The following ARID5B variants were observed in gnomAD, a reference collection of about 807,000 sequenced individuals.
The protein encoded by ARID5B is AT-rich interactive domain-containing protein 5B.
ARID5B carries 13 observed loss-of-function variants against 97.2 expected under a neutral mutation model. The ratio of observed to expected loss-of-function variants is 0.13; its 90% CI spans 0.09 to 0.21. The LOEUF (loss-of-function observed/expected upper bound fraction) is 0.21. Among genes scored for constraint, ARID5B ranks in the 10% least tolerant of loss-of-function variants. ARID5B has a pLI of 1.00. For synonymous variants in ARID5B, 556 were observed against 570.3 expected (o/e 0.97, Z 0.36); for missense variants, 1,210 against 1,465.3 (o/e 0.83, Z 2.84).
At chr10:62,031,910 C>T (rs1424556236) in intron 4 of ARID5B, among the ~76,000 whole-genome samples, 1 of 152,188 alleles carries the variant, frequency 6.6e-6, no homozygotes, top group South Asian at 2.1e-4. Context: ...GCTAAACAAG[C>T]TATACCACTG....
At chr10:62,069,900 A>C (rs1840040701) in intron 8 of ARID5B, 103 bp downstream of exon 8, 1 of 1,170,220 alleles carries the variant, frequency 8.5e-7, no homozygotes, top group South Asian at 1.4e-5. Flanking sequence ...CTTTTGGGAA[A>C]CTGAAAATTT....
At chr10:62,044,426 G>GCCA (rs1564635169) in intron 4 of ARID5B, among the ~76,000 whole-genome samples, 1 of 145,514 alleles carries the variant, frequency 6.9e-6, no homozygotes, top group Non-Finnish European at 1.5e-5. Flanking sequence ...TGTCACCCAG[G>GCCA]CTGGAGAGCA....
rs151088804 is a variant in ARID5B at position 62,006,014 on chromosome 10, T to C, written c.733+5693T>C. Among the ~76,000 whole-genome samples the C allele has an allele frequency of 8.2e-3, 1,257 of 152,370 alleles. 19 individuals carry two copies. Among genetic ancestry groups the C allele is most frequent in the Non-Finnish European group, 7.2e-3 (490 of 68,042 alleles). ...TAAGAAGGCAGACATTTTTCTTTCATTGAAGCTAAGTAGAAAAGGAGTTGT... is the reference window on the plus strand; with the variant it reads ...TAAGAAGGCAGACATTTTTCTTTCACTGAAGCTAAGTAGAAAAGGAGTTGT... On this transcript the variant is annotated intron_variant, in intron 4 of 9. Transcript: ENST00000279873.
chr10:61,931,139 T>C (rs745735211), intron 2 of ARID5B, among the ~76,000 whole-genome samples: 2 of 152,226 alleles, frequency 1.3e-5, no homozygotes, highest in Non-Finnish European at 2.9e-5. Context: ...CATAATACCA[T>C]GGCTCTCAAA....
chr10:61,932,432 A>C (rs1257099528), intron 2 of ARID5B, among the ~76,000 whole-genome samples: 3 of 138,914 alleles, frequency 2.2e-5, no homozygotes, highest in Non-Finnish European at 4.6e-5. Flanking sequence ...TTTTTTTGAG[A>C]CAGAATCTCA....
At chr10:62,087,806 G>A (rs7919088) in intron 9 of ARID5B, among the ~76,000 whole-genome samples, 121,718 of 151,858 alleles carry the variant, frequency 0.8, 49,382 homozygotes, top group Middle Eastern at 0.93. Context: ...GTTTTTATTA[G>A]GTTTCATAAT....
chr10:61,983,688 G>A (rs1013484568), intron 3 of ARID5B, among the ~76,000 whole-genome samples: 3 of 151,582 alleles, frequency 2.0e-5, no homozygotes, highest in African/African-American at 4.9e-5. Flanking sequence ...GAGAGATCTC[G>A]GCTGCTGACC....
chr10:62,002,119 A>G (rs1443688346), intron 4 of ARID5B, among the ~76,000 whole-genome samples: 2 of 152,222 alleles, frequency 1.3e-5, no homozygotes, highest in African/African-American at 4.8e-5. Flanking sequence ...AGAGTTTCAC[A>G]ACGTAATATG....
At chr10:61,930,750 T>TAAATAAAC (rs1844195849) in intron 2 of ARID5B, among the ~76,000 whole-genome samples, 1 of 151,408 alleles carries the variant, frequency 6.6e-6, no homozygotes, top group Non-Finnish European at 1.5e-5. Flanking sequence ...AATAAATAAA[T>TAAATAAAC]AAGATACAGG....
At chr10:62,007,497 A>G (rs1839161194) in intron 4 of ARID5B, among the ~76,000 whole-genome samples, 1 of 152,228 alleles carries the variant, frequency 6.6e-6, no homozygotes, top group East Asian at 1.9e-4. Context: ...AAAATGTGAG[A>G]TAACTGTGGA....
At chr10:62,055,645 A>G (rs1171487186) in intron 5 of ARID5B, among the ~76,000 whole-genome samples, 2 of 152,230 alleles carry the variant, frequency 1.3e-5, no homozygotes, top group Admixed American at 1.3e-4. Context: ...CAAAATCTAC[A>G]TGGGAAAATT....
intron 4 of ARID5B, chr10:62,049,298 T>G: frequency 6.8e-7 from 1 of 1,470,740 alleles, no homozygotes. Context: ...TGTGTTTACA[T>G]GAGTAATGGA....
intron 2 of ARID5B, among the ~76,000 whole-genome samples, chr10:61,913,191 C>A (rs1156978732): frequency 1.3e-5 from 2 of 152,164 alleles, no homozygotes; most frequent in Non-Finnish European, 2.9e-5. Context: ...TTCTCAGAGA[C>A]CTTTTCCTGG....
rs1288388511 is a variant in ARID5B at position 62,091,504 on chromosome 10, A to C, written c.2041A>C (p.Arg681=). 6.2e-7 allele frequency: 1 copy of C among 1,613,678 alleles called. No individual in the cohort carries two copies. The highest frequency in any genetic ancestry group is 1.3e-5 in the African/African-American group (1 of 75,024). ...TAATTACACGCCCCTGCTCTACTCT[A>C]GGGGCAACCCAGGCATCATGTCCCC... The part of the protein sequence containing the change: ...GLNYTPLLYS[R]GNPGIMSPLA... The change falls in exon 10 of 10, where the codon AGG becomes CGG. Residue 681 remains arginine, a synonymous_variant. Transcript: ENST00000279873.
intron 4 of ARID5B, among the ~76,000 whole-genome samples, chr10:62,036,874 C>G (rs2132912811): frequency 6.6e-6 from 1 of 152,294 alleles, no homozygotes; most frequent in South Asian, 2.1e-4. Flanking sequence ...GAATGACTAG[C>G]TGGTGCCCGA....
intron 3 of ARID5B, among the ~76,000 whole-genome samples, chr10:61,985,165 A>G (rs1391265640): frequency 3.3e-5 from 5 of 151,868 alleles, no homozygotes; most frequent in Admixed American, 3.3e-4. Context: ...TCTCTTTGCT[A>G]CCAAGATTCT....
intron 8 of ARID5B, among the ~76,000 whole-genome samples, chr10:62,083,111 G>A (rs1246879745): frequency 6.6e-6 from 1 of 151,844 alleles, no homozygotes; most frequent in Non-Finnish European, 1.5e-5. Flanking sequence ...TGGAAGCCTT[G>A]AACAAGTAGG....
At position 62,057,134 on chromosome 10, in the gene ARID5B, G is replaced by T; in HGVS notation, c.864G>T (p.Arg288Ser). The change falls in exon 6 of 10, where the codon AGG becomes AGT. Residue 288 changes from arginine (R) to serine (S), a missense_variant. Transcript: ENST00000279873. Reference protein sequence around the residue: ...KAVAKVKCEARSALTKPKNNH... With the variant: ...KAVAKVKCEASSALTKPKNNH... ...TTTTCCAGGTGAAATGTGAGGCCAG[G>T]TCAGCCTTGACCAAGCCGAAGAATA... 6.2e-7 allele frequency: 1 copy of T among 1,613,574 alleles called. No homozygotes were observed. The highest frequency in any genetic ancestry group is 8.5e-7 in the Non-Finnish European group (1 of 1,179,732).
chr10:61,919,802 A>G (rs1843979825), intron 2 of ARID5B, among the ~76,000 whole-genome samples: 1 of 152,026 alleles, frequency 6.6e-6, no homozygotes, highest in African/African-American at 2.4e-5. Context: ...TGCATCCCTA[A>G]CTATCTGGAC....
Sources: gnomAD v4.1 joint callset for allele counts (sites outside exome capture counted in the v4.1 genomes callset) on GRCh38, gnomAD v4.1.1 for gene constraint, MANE v1.5 for transcripts, NCBI Gene and HGNC (gene_info 2026-07-23, HGNC 2026-07-21) for gene names.